The following SLC38A6 variants were observed in gnomAD, a reference collection of about 807,000 sequenced individuals.
The protein encoded by SLC38A6 is N system amino acid transporter NAT-1.
A neutral mutation model predicts 65.0 loss-of-function variants in SLC38A6; 73 were observed. The observed-to-expected ratio is 1.12, with a 90% CI of 0.93 to 1.37. SLC38A6 has a LOEUF of 1.37. Ranked by LOEUF, SLC38A6 falls within the 40% of genes most tolerant of loss-of-function variation. The probability of loss-of-function intolerance (pLI) is 0.00; values close to 1 mark genes in which losing one functional copy is unlikely to be tolerated. For synonymous variants in SLC38A6, 183 were observed against 178.8 expected, an observed-to-expected ratio of 1.02 and a Z score of -0.19; for missense variants, 561 against 531.1, an observed-to-expected ratio of 1.06 and a Z score of -0.55.
intron 3 of SLC38A6, among the ~76,000 whole-genome samples, chr14:60,994,145 T>C (rs2038103047): frequency 6.6e-6 from 1 of 152,250 alleles, no homozygotes; most frequent in South Asian, 2.1e-4. Context: ...AAGATGTTAA[T>C]AACAGCCTTA....
intron 15 of SLC38A6, among the ~76,000 whole-genome samples, chr14:61,071,163 A>T (rs1012790814): frequency 2.0e-5 from 3 of 152,246 alleles, no homozygotes; most frequent in African/African-American, 7.2e-5. Flanking sequence ...TGCATAGACC[A>T]TAATTTAATT....
At chr14:61,017,621 T>A (rs1184797391) in intron 4 of SLC38A6, among the ~76,000 whole-genome samples, 1 of 152,248 alleles carries the variant, frequency 6.6e-6, no homozygotes, top group Non-Finnish European at 1.5e-5. Context: ...AACATAACTC[T>A]AAGTATCAAC....
At chr14:61,016,695 A>T (rs561821611) in intron 4 of SLC38A6, among the ~76,000 whole-genome samples, 1 of 152,184 alleles carries the variant, frequency 6.6e-6, no homozygotes, top group African/African-American at 2.4e-5. Context: ...AAGAACTACT[A>T]TACTTCTAAA....
chr14:61,045,924 A>G (rs889925753), intron 11 of SLC38A6, 143 bp from the exon 12 acceptor site: 11 of 548,698 alleles, frequency 2.0e-5, no homozygotes, highest in Non-Finnish European at 3.3e-5. Flanking sequence ...TTTGTGTACT[A>G]ATTTCGAATG....
Position 61,045,397 on chromosome 14 carries a change from A to G in SLC38A6, c.796A>G (p.Ile266Val), listed in dbSNP as rs772240122. Residue 266 changes from isoleucine (I) to valine (V), a missense_variant, in exon 11 of 16, where the codon ATA (isoleucine) becomes GTA (valine). Ile to Val is a conservative substitution (Grantham distance 29). Coordinates refer to ENST00000267488, the MANE Select transcript of SLC38A6 (RefSeq NM_153811.3). ...TTTTTCATTTCTCTGCCATACCTCAATATTGCCCATATACTGTGAACTTCA... is the reference window on the plus strand; with the variant it reads ...TTTTTCATTTCTCTGCCATACCTCAGTATTGCCCATATACTGTGAACTTCA... ...MAFSFLCHTSILPIYCELQSP... is the reference protein window; with the variant it reads ...MAFSFLCHTSVLPIYCELQSP... The G allele has an allele frequency of 2.0e-5, 32 of 1,613,322 alleles. No individual in the cohort carries two copies. In the East Asian group the frequency reaches 4.9e-4, roughly 25 times the overall value.
chr14:60,995,902 C>G (rs1296608666), intron 3 of SLC38A6, among the ~76,000 whole-genome samples: 1 of 152,146 alleles, frequency 6.6e-6, no homozygotes, highest in East Asian at 1.9e-4. Flanking sequence ...GCAGAGCACC[C>G]TCACCTTTAG....
At chr14:61,018,233 A>G (rs1005048264) in intron 4 of SLC38A6, among the ~76,000 whole-genome samples, 2 of 152,212 alleles carry the variant, frequency 1.3e-5, no homozygotes, top group African/African-American at 4.8e-5. Flanking sequence ...TATACCTACT[A>G]CTGACAGTAG....
intron 13 of SLC38A6, 101 bp downstream of exon 13, chr14:61,050,737 G>A: frequency 2.8e-6 from 3 of 1,084,980 alleles, no homozygotes; most frequent in Non-Finnish European, 3.7e-6. Flanking sequence ...ATCTAGTCTT[G>A]TATATCTTAT....
At chr14:61,071,200 A>G (rs898777640) in intron 15 of SLC38A6, among the ~76,000 whole-genome samples, 4 of 152,162 alleles carry the variant, frequency 2.6e-5, no homozygotes, top group Non-Finnish European at 5.9e-5. Context: ...ATGCATATTG[A>G]GGGATTTTTT....
chr14:61,049,408 T>G (rs572584412), intron 12 of SLC38A6, among the ~76,000 whole-genome samples: 2 of 152,316 alleles, frequency 1.3e-5, no homozygotes, highest in Non-Finnish European at 2.9e-5. Context: ...TCTTTGAACA[T>G]CAGCACACAT....
chr14:60,982,781 G>C, intron 2 of SLC38A6, 143 bp downstream of exon 2: 1 of 929,994 alleles, frequency 1.1e-6, no homozygotes, highest in Non-Finnish European at 1.5e-6. Context: ...TGTTATTCTT[G>C]TTGCTAGTGT....
At chr14:61,048,279 A>G (rs2042285172) in intron 12 of SLC38A6, 1 of 373,106 alleles carries the variant, frequency 2.7e-6, no homozygotes, top group Non-Finnish European at 5.3e-6. Flanking sequence ...AGGTGAAGTG[A>G]CCTGTCACAG....
chr14:61,081,232 G>C (rs1237045936), intron 16 of SLC38A6, among the ~76,000 whole-genome samples: 2 of 152,222 alleles, frequency 1.3e-5, no homozygotes, highest in African/African-American at 4.8e-5. Flanking sequence ...GTCTGAGCCA[G>C]GAAGTTTGAT....
intron 3 of SLC38A6, among the ~76,000 whole-genome samples, chr14:61,008,810 C>T (rs1408928964): frequency 6.6e-6 from 1 of 152,124 alleles, no homozygotes; most frequent in African/African-American, 2.4e-5. Flanking sequence ...TCATTCTAGA[C>T]ACCTGGAGAA....
intron 3 of SLC38A6, among the ~76,000 whole-genome samples, chr14:60,998,495 C>T (rs1346203343): frequency 6.6e-6 from 1 of 152,142 alleles, no homozygotes; most frequent in Non-Finnish European, 1.5e-5. Context: ...ATCCCCTTTC[C>T]AGCTCCCCAT....
chr14:61,032,691 G>A (rs191607699), intron 6 of SLC38A6, among the ~76,000 whole-genome samples: 2 of 151,786 alleles, frequency 1.3e-5, no homozygotes, highest in Admixed American at 1.3e-4. Flanking sequence ...TTACTTGAAT[G>A]CAGATAAATC....
chr14:61,026,936 C>T (rs2040642865), intron 5 of SLC38A6, among the ~76,000 whole-genome samples: 1 of 152,064 alleles, frequency 6.6e-6, no homozygotes, highest in African/African-American at 2.4e-5. Context: ...AGTCCCTTCC[C>T]TGTTTCTGTG....
chr14:61,014,707 T>C (rs2139524096), intron 3 of SLC38A6, among the ~76,000 whole-genome samples: 1 of 152,292 alleles, frequency 6.6e-6, no homozygotes, highest in East Asian at 1.9e-4. Flanking sequence ...CGGATATTGG[T>C]GAACAGCAAA....
chr14:61,022,093 A>C (rs1312549482), intron 5 of SLC38A6, among the ~76,000 whole-genome samples: 1 of 152,134 alleles, frequency 6.6e-6, no homozygotes, highest in Non-Finnish European at 1.5e-5. Flanking sequence ...TTTGAATTCA[A>C]ATTTGGCACA....
Sources: gnomAD v4.1 joint callset for allele counts (sites outside exome capture counted in the v4.1 genomes callset) on GRCh38, gnomAD v4.1.1 for gene constraint, MANE v1.5 for transcripts, NCBI Gene and HGNC (gene_info 2026-07-23, HGNC 2026-07-21) for gene names.